TAS2R1: variants seen among roughly 807,000 people sequenced by gnomAD.
TAS2R1 encodes taste receptor type 2 member 1.
For missense variants in TAS2R1, 370 were observed against 353.4 expected (o/e 1.05, Z -0.38); for synonymous variants, 141 against 134.2 (o/e 1.05, Z -0.35).
chr5:9,785,168 G>A, the TAS2R1 span, among the ~76,000 whole-genome samples: 1 of 152,158 alleles, frequency 6.6e-6, no homozygotes, highest in East Asian at 1.9e-4. Flanking sequence ...AGCCAGGTGA[G>A]TTCTGTTGCC....
the TAS2R1 span, among the ~76,000 whole-genome samples, chr5:9,889,170 G>A: frequency 1.3e-5 from 2 of 152,172 alleles, no homozygotes; most frequent in South Asian, 2.1e-4. Context: ...AAAGGGGGTC[G>A]GAGCTTGCAG....
the TAS2R1 span, among the ~76,000 whole-genome samples, chr5:9,813,394 G>A: frequency 6.6e-6 from 1 of 152,112 alleles, no homozygotes; most frequent in Non-Finnish European, 1.5e-5. Flanking sequence ...AAACCACTTC[G>A]AGGTCATAAC....
chr5:9,647,941 T>C (rs1561368669), intron 2 of TAS2R1, among the ~76,000 whole-genome samples: 1 of 152,170 alleles, frequency 6.6e-6, no homozygotes, highest in East Asian at 1.9e-4. Context: ...TTTAGTCAAC[T>C]TTATTTTTCT....
the TAS2R1 span, among the ~76,000 whole-genome samples, chr5:9,747,635 C>T: frequency 6.6e-6 from 1 of 152,122 alleles, no homozygotes; most frequent in Admixed American, 6.5e-5. Context: ...ACCCAAACAC[C>T]TCCCATTAGG....
chr5:9,685,307 G>C (rs1275512259), intron 1 of TAS2R1, among the ~76,000 whole-genome samples: 1 of 151,514 alleles, frequency 6.6e-6, no homozygotes, highest in Non-Finnish European at 1.5e-5. Flanking sequence ...GGATTAATTG[G>C]CCATACAATA....
the TAS2R1 span, among the ~76,000 whole-genome samples, chr5:9,899,634 C>CA: frequency 7.2e-5 from 5 of 69,064 alleles, no homozygotes; most frequent in African/African-American, 1.2e-4. Flanking sequence ...AAGACTCTGT[C>CA]TAAAAAAAAA....
At chr5:9,733,234 A>C in the TAS2R1 span, among the ~76,000 whole-genome samples, 1 of 152,228 alleles carries the variant, frequency 6.6e-6, no homozygotes, top group East Asian at 1.9e-4. Flanking sequence ...TTTGCCTTCC[A>C]TCTGTTTTTG....
At chr5:9,685,438 T>C in intron 1 of TAS2R1, among the ~76,000 whole-genome samples, 1 of 152,198 alleles carries the variant, frequency 6.6e-6, no homozygotes, top group Admixed American at 6.5e-5. Flanking sequence ...AATTATATAC[T>C]ACATATTTAT....
At chr5:9,696,302 G>A (rs554955021) in intron 1 of TAS2R1, among the ~76,000 whole-genome samples, 1 of 152,298 alleles carries the variant, frequency 6.6e-6, no homozygotes, top group East Asian at 1.9e-4. Context: ...GCTCACGCCT[G>A]TAATCCCAGC....
the TAS2R1 span, among the ~76,000 whole-genome samples, chr5:9,839,871 A>G: frequency 1.3e-5 from 2 of 152,104 alleles, no homozygotes; most frequent in Non-Finnish European, 2.9e-5. Flanking sequence ...TCATTTTAAT[A>G]CAGAATACTT....
At chr5:9,661,568 C>T (rs756524358) in intron 1 of TAS2R1, among the ~76,000 whole-genome samples, 4 of 152,192 alleles carry the variant, frequency 2.6e-5, no homozygotes, top group Non-Finnish European at 5.9e-5. Context: ...CAGTTGTCTA[C>T]AGGAAGAATT....
chr5:9,770,959 C>G, the TAS2R1 span, among the ~76,000 whole-genome samples: 1 of 152,168 alleles, frequency 6.6e-6, no homozygotes, highest in African/African-American at 2.4e-5. Context: ...GAATGGGCAT[C>G]CTTGTCATGT....
the TAS2R1 span, among the ~76,000 whole-genome samples, chr5:9,868,670 A>T: frequency 6.6e-6 from 1 of 152,202 alleles, no homozygotes; most frequent in African/African-American, 2.4e-5. Context: ...TTATTTATGC[A>T]AATTTTTGCA....
At chr5:9,761,255 G>A in the TAS2R1 span, among the ~76,000 whole-genome samples, 2 of 152,132 alleles carry the variant, frequency 1.3e-5, no homozygotes, top group African/African-American at 4.8e-5. Context: ...GAATTAATAA[G>A]CCTCTGCAAG....
the TAS2R1 span, among the ~76,000 whole-genome samples, chr5:9,813,822 T>C: frequency 6.6e-6 from 1 of 152,218 alleles, no homozygotes; most frequent in African/African-American, 2.4e-5. Flanking sequence ...CACATCTGTC[T>C]CTGCCTCCTA....
chr5:9,669,781 C>T (rs1207367327), intron 1 of TAS2R1, among the ~76,000 whole-genome samples: 1 of 152,048 alleles, frequency 6.6e-6, no homozygotes, highest in African/African-American at 2.4e-5. Flanking sequence ...GGGAAGTTTA[C>T]AGCTGCAAAG....
the TAS2R1 span, among the ~76,000 whole-genome samples, chr5:9,821,141 A>G: frequency 6.6e-6 from 1 of 152,170 alleles, no homozygotes; most frequent in Non-Finnish European, 1.5e-5. Context: ...TCTAAATATA[A>G]AAAAACAACA....
At position 9,650,194 on chromosome 5, in the gene TAS2R1, A is replaced by G. The variant is rs114146069; in HGVS notation, c.-81+9227T>C. Among the ~76,000 whole-genome samples the G allele has an allele frequency of 8.8e-3, 1,338 of 152,306 alleles. 27 individuals are homozygous for G. The highest frequency in any genetic ancestry group is 0.031 in the African/African-American group (1,275 of 41,562). On this transcript the variant is annotated intron_variant, in intron 2 of 2. Transcript: ENST00000506620. ...ATTCTAAGATGATAGAAAACAATAT[A>G]TTCTAACGTTGCTTAAGAGATATAA...
chr5:9,724,344 CTTTTTTT>C, the TAS2R1 span, among the ~76,000 whole-genome samples: 1 of 124,682 alleles, frequency 8.0e-6, no homozygotes, highest in African/African-American at 2.8e-5. Flanking sequence ...ATGTTTCTTT[CTTTTTTT>C]TTTTTTTTTT....
Sources: gnomAD v4.1 joint callset for allele counts (sites outside exome capture counted in the v4.1 genomes callset) on GRCh38, gnomAD v4.1.1 for gene constraint, MANE v1.5 for transcripts, NCBI Gene and HGNC (gene_info 2026-07-23, HGNC 2026-07-21) for gene names.